The following CLN3 variants were observed in gnomAD, a reference collection of about 807,000 sequenced individuals.
CLN3 encodes battenin.
Under a neutral mutation model 60.7 loss-of-function variants are expected in CLN3, and 49 were observed. That is an observed-to-expected ratio of 0.81 (90% CI 0.64 to 1.02). The LOEUF (loss-of-function observed/expected upper bound fraction) is 1.02, where lower values mean the gene tolerates loss of function less well. Among genes scored for constraint, CLN3 ranks in the 50% least tolerant of loss-of-function variants. CLN3 has a pLI of 0.00. For missense variants in CLN3, 516 were observed against 557.4 expected (o/e 0.93, Z 0.75); for synonymous variants, 256 against 245.8 (o/e 1.04, Z -0.39).
At chr16:28,480,141 G>A (rs948571102) in intron 14 of CLN3, among the ~76,000 whole-genome samples, 5 of 151,676 alleles carry the variant, frequency 3.3e-5, no homozygotes, top group African/African-American at 9.7e-5. Flanking sequence ...TTTTTGTAGA[G>A]ATGAGGTCTC....
chr16:28,471,778 T>C (rs2045952014), downstream of CLN3, among the ~76,000 whole-genome samples: 1 of 148,308 alleles, frequency 6.7e-6, no homozygotes, highest in Non-Finnish European at 1.5e-5. Flanking sequence ...TCCTTATCTA[T>C]AATCATCTTA....
intron 14 of CLN3, among the ~76,000 whole-genome samples, chr16:28,478,473 G>C (rs935858297): frequency 6.6e-6 from 1 of 151,400 alleles, no homozygotes; most frequent in Non-Finnish European, 1.5e-5. Context: ...AAAATTAGTT[G>C]AGCATGGTGG....
chr16:28,488,584 T>G lies in CLN3; in HGVS notation c.294+7A>C. ...TCAGGCAAGGACCAGGTGAGATGAG[T>G]ACGCACAGCCGTAGAGACAGAGTTG... On this transcript the variant is annotated splice_region_variant and intron_variant, in intron 5 of 15. Transcript: ENST00000636147. 6.2e-7 allele frequency: 1 copy of G among 1,613,720 alleles called. No homozygotes were observed. The highest frequency in any genetic ancestry group is 8.5e-7 in the Non-Finnish European group (1 of 1,179,776).
chr16:28,477,528 G>C lies in CLN3; in HGVS notation c.1305C>G (p.Cys435Trp), dbSNP rs1216521924. 6 of 1,613,530 alleles carry C rather than the reference G, an allele frequency of 3.7e-6. No individual in the cohort carries two copies. The Admixed American group carries it at 1.0e-4, about 27-fold the overall frequency. ...LLALPLHDFL[C>W]QLS ...AGGATCCCGAGTATCAGGAGAGCTG[G>C]CAGAGGAAGTCATGCAGAGGCAAAG... Residue 435 changes from cysteine to tryptophan, a missense_variant, in exon 16 of 16, where the codon TGC (cysteine) becomes TGG (tryptophan). By Grantham distance (215) the Cys-to-Trp change is radical. Coordinates refer to ENST00000636147, the MANE Select transcript of CLN3 (RefSeq NM_001042432.2).
intron 9 of CLN3, 111 bp downstream of exon 9, chr16:28,486,236 C>A: frequency 7.1e-7 from 1 of 1,405,428 alleles, no homozygotes; most frequent in Non-Finnish European, 9.9e-7. Context: ...AGGCGATCTG[C>A]CCTCCTTGGC....
Position 28,491,550 on chromosome 16 carries a change from G to T in CLN3, c.57C>A (p.Thr19=). ...RRFSDSEGEE[T]VPEPRLPLLD... ...ACAGAGGGAGCCGGGGCTCCGGGAC[G>T]GTCTCCTCCCCTGGGAGAGCGAGAA... Residue 19 remains threonine (T), a synonymous_variant, in exon 3 of 16, where the codon ACC becomes ACA. Coordinates refer to ENST00000636147, the MANE Select transcript of CLN3 (RefSeq NM_001042432.2). 6.2e-7 allele frequency: 1 copy of T among 1,614,076 alleles called. No homozygotes were observed. Among genetic ancestry groups the T allele is most frequent in the Non-Finnish European group, 8.5e-7 (1 of 1,180,024 alleles).
Position 28,482,125 on chromosome 16 carries a change from A to C in CLN3, c.1036T>G (p.Trp346Gly). Residue 346 changes from tryptophan to glycine, a missense_variant, in exon 14 of 16, where the codon TGG becomes GGG. Physicochemically the swap from Trp to Gly is radical, Grantham distance 184 (BLOSUM62 -2). Coordinates refer to ENST00000636147, the MANE Select transcript of CLN3 (RefSeq NM_001042432.2). ...GGTACCTGCAGCAGGGCCAGGGCCC[A>C]GGTGAAACGGATGCGACAGCAGCGG... ...SLRCCRIRFT[W>G]ALALLQCLNL... 1 of 1,613,484 alleles carries C rather than the reference A, an allele frequency of 6.2e-7. No individual in the cohort carries two copies. Among genetic ancestry groups the C allele is most frequent in the Non-Finnish European group, 8.5e-7 (1 of 1,179,872 alleles).
downstream of CLN3, chr16:28,476,347 A>T (rs1000909741): frequency 6.6e-6 from 1 of 150,584 alleles, no homozygotes; most frequent in Non-Finnish European, 1.5e-5. Context: ...GTTCAAGACC[A>T]GCCTGGGTAA....
downstream of CLN3, among the ~76,000 whole-genome samples, chr16:28,472,666 C>G (rs1458229548): frequency 6.6e-6 from 1 of 151,264 alleles, no homozygotes; most frequent in Admixed American, 6.6e-5. Context: ...CACGGTGAAA[C>G]CCCGCCTCTA....
rs1567262955 is a variant in CLN3 at position 28,489,328 on chromosome 16, TGTC to T, written c.181_183del (p.Asp61del). On this transcript the variant is annotated inframe_deletion, in exon 4 of 16. Coordinates refer to ENST00000636147, the MANE Select transcript of CLN3 (RefSeq NM_001042432.2). ...CCCGATGTCCTCTTGTGGCTAAGGA[TGTC>T]GTGGGCGGCACTCAGCATCACCACA... 1 of 1,613,616 alleles carries T rather than the reference TGTC, an allele frequency of 6.2e-7. No individual in the cohort carries two copies. The highest frequency in any genetic ancestry group is 1.1e-5 in the South Asian group (1 of 90,904).
At chr16:28,472,364 G>A (rs1285581564), downstream of CLN3, among the ~76,000 whole-genome samples, 1 of 151,916 alleles carries the variant, frequency 6.6e-6, no homozygotes, top group Non-Finnish European at 1.5e-5. Context: ...ACTCCATCCT[G>A]GGTGACAAAA....
At chr16:28,489,448 G>T in intron 3 of CLN3, 62 bp from the exon 4 acceptor site, 2 of 1,218,048 alleles carry the variant, frequency 1.6e-6, no homozygotes, top group Non-Finnish European at 2.4e-6. Flanking sequence ...TAGCCTTTGT[G>T]CCAAACCTTC....
chr16:28,481,417 AACACACACACACACACACAC>A (rs767753225), intron 14 of CLN3, among the ~76,000 whole-genome samples: 1 of 129,576 alleles, frequency 7.7e-6, no homozygotes, highest in Admixed American at 7.9e-5. Flanking sequence ...CAATGCTTAA[AACACACACACACACACACAC>A]ACACACACAC....
At chr16:28,489,262 ATGG>A (rs770499506) in intron 4 of CLN3, 25 bp downstream of exon 4, 14 of 1,549,848 alleles carry the variant, frequency 9.0e-6, no homozygotes, top group Non-Finnish European at 1.2e-5. Flanking sequence ...GGGACTAACC[ATGG>A]TGGTGGTGGT....
chr16:28,488,344 T>TA (rs2046257299), intron 5 of CLN3: 2 of 230,936 alleles, frequency 8.7e-6, no homozygotes, highest in Non-Finnish European at 1.6e-5. Context: ...ATATATTTTT[T>TA]AATTTTTTTC....
At chr16:28,490,057 CAAAA>C (rs34443652) in intron 3 of CLN3, among the ~76,000 whole-genome samples, 1 of 106,802 alleles carries the variant, frequency 9.4e-6, no homozygotes. Context: ...GACTCTATCT[CAAAA>C]AAAAAAAAAA....
chr16:28,483,984 T>C (rs1472634084), intron 10 of CLN3, 22 bp downstream of exon 10: 13 of 1,563,538 alleles, frequency 8.3e-6, no homozygotes. Flanking sequence ...AAGTGACCTC[T>C]CTGAGGGTCT....
At chr16:28,482,788 G>T in intron 10 of CLN3, 116 bp from the exon 11 acceptor site, 1 of 1,088,988 alleles carries the variant, frequency 9.2e-7, no homozygotes, top group Non-Finnish European at 1.4e-6. Context: ...TCACTTCCAT[G>T]CCACTGGATT....
At chr16:28,472,463 C>T (rs948514339), downstream of CLN3, among the ~76,000 whole-genome samples, 1 of 152,108 alleles carries the variant, frequency 6.6e-6, no homozygotes, top group African/African-American at 2.4e-5. Context: ...GCACAGACTG[C>T]TGTATCACAC....
Sources: gnomAD v4.1 joint callset for allele counts (sites outside exome capture counted in the v4.1 genomes callset) on GRCh38, gnomAD v4.1.1 for gene constraint, MANE v1.5 for transcripts, NCBI Gene and HGNC (gene_info 2026-07-23, HGNC 2026-07-21) for gene names.